GAMT: variants seen among roughly 807,000 people sequenced by gnomAD.
GAMT encodes guanidinoacetate N-methyltransferase, also known as epididymis secretory protein Li 20.
GAMT carries 26 observed loss-of-function variants against 26.9 expected under a neutral mutation model. The observed-to-expected ratio is 0.97, with a 90% CI of 0.71 to 1.34. The LOEUF (loss-of-function observed/expected upper bound fraction) is 1.34. Among genes scored for constraint, GAMT ranks in the 40% most tolerant of loss-of-function variants. The pLI is 0.00. For missense variants in GAMT, 412 were observed against 345.0 expected, an observed-to-expected ratio of 1.19 and a Z score of -1.54; for synonymous variants, 169 against 149.6, an observed-to-expected ratio of 1.13 and a Z score of -0.95.
intron 1 of GAMT, among the ~76,000 whole-genome samples, chr19:1,400,468 G>A (rs1200153781): frequency 1.3e-5 from 2 of 152,208 alleles, no homozygotes; most frequent in Non-Finnish European, 2.9e-5. Flanking sequence ...TGACCAGCCA[G>A]GGAGGCCGAA....
At chr19:1,398,333 A>G (rs1157374266) in intron 5 of GAMT, 1 of 198,680 alleles carries the variant, frequency 5.0e-6, no homozygotes, top group East Asian at 1.3e-4. Context: ...CCTGGGCTCA[A>G]GTGATCCACC....
Position 1,397,276 on chromosome 19 carries a change from G to C in GAMT, c.*83C>G. ...TTCTGGTGACACACAGCTGGGATCA[G>C]CCCAGGGCTGGTGCGACACCCTGGA... On this transcript the variant is annotated 3_prime_UTR_variant, in exon 6 of 6. Coordinates refer to ENST00000252288, the MANE Select transcript of GAMT (RefSeq NM_000156.6). The C allele has an allele frequency of 1.3e-6, 2 of 1,491,896 alleles. No homozygotes were observed. The highest frequency in any genetic ancestry group is 1.8e-6 in the Non-Finnish European group (2 of 1,104,360). The allele number at this position is 1,491,896 out of a possible 1,614,324, so 92.4% of individuals were successfully genotyped here.
rs2082604433 is a variant in GAMT at position 1,397,179 on chromosome 19, A to G, written c.*180T>C. ...CAGTGACCCTCACAGAGAAGCTGGG[A>G]AAGCTGCTGGTGACACACAGCTGGG... is the stretch of plus-strand genomic sequence containing the variant. On this transcript the variant is annotated 3_prime_UTR_variant, in exon 6 of 6. Coordinates refer to ENST00000252288, the MANE Select transcript of GAMT (RefSeq NM_000156.6). 1.4e-6 allele frequency: 1 copy of G among 715,684 alleles called. No individual in the cohort carries two copies. The allele number at this position is 715,684 out of a possible 1,614,324, so 44.3% of individuals were successfully genotyped here. A position where few individuals can be genotyped will look rare whatever the true frequency, so the allele number is the denominator to read the frequency against.
chr19:1,397,227 C>T lies in GAMT; in HGVS notation c.*132G>A. 1.8e-6 allele frequency: 2 copies of T among 1,102,034 alleles called. No homozygotes were observed. The highest frequency in any genetic ancestry group is 2.6e-6 in the Non-Finnish European group (2 of 768,814). The allele number at this position is 1,102,034 out of a possible 1,614,324, so 68.3% of individuals were successfully genotyped here. On this transcript the variant is annotated 3_prime_UTR_variant, in exon 6 of 6. Transcript: ENST00000252288. ...GGGATCAGCCCTGGGCTGGTGGGAC[C>T]CCTCACAGAGAAGCCGGGAAAGCTT...
rs1030954874 is a variant in GAMT at position 1,397,477 on chromosome 19, A to C, written c.593T>G (p.Leu198Arg). 1.1e-5 allele frequency: 17 copies of C among 1,606,630 alleles called. No homozygotes were observed. The highest frequency in any genetic ancestry group is 1.4e-5 in the Non-Finnish European group (17 of 1,179,866). Residue 198 changes from leucine (L) to arginine (R), a missense_variant, in exon 6 of 6, where the codon CTG becomes CGG. By Grantham distance (102) the Leu-to-Arg change is moderately radical (BLOSUM62 -2). Coordinates refer to ENST00000252288, the MANE Select transcript of GAMT (RefSeq NM_000156.6). ...GTTCTCCCTCCGGAAGCCGGCCTCC[A>C]GCAGCGCGGGCACCTGCGTCTCCTG... ...MFEETQVPAL[L>R]EAGFRRENIR...
rs942634281 is a variant in GAMT, at chr19:1,399,220, C to T, written c.392-25G>A. ...CCTGCACGGAGAACAGAAGCCCACG[C>T]GGTCAGGGCCGGGCTCAGCGCCTCA... On this transcript the variant is annotated intron_variant, in intron 3 of 5. Transcript: ENST00000252288. The surrounding 1 kb of genome is among the most constrained non-coding windows in gnomAD (Gnocchi z 6.2). 58 of 1,612,296 alleles carry T rather than the reference C, an allele frequency of 3.6e-5. No individual in the cohort carries two copies. The highest frequency in any genetic ancestry group is 4.4e-5 in the South Asian group (4 of 91,054).
At position 1,401,301 on chromosome 19, in the gene GAMT, G is replaced by A. The variant is rs770218797; in HGVS notation, c.176C>T (p.Ser59Phe). The A allele has an allele frequency of 2.0e-5, 30 of 1,508,678 alleles. No individual in the cohort carries two copies. Among genetic ancestry groups the A allele is most frequent in the Non-Finnish European group, 7.0e-6 (8 of 1,134,838 alleles). The allele number at this position is 1,508,678 out of a possible 1,614,324, so 93.5% of individuals were successfully genotyped here. Residue 59 changes from serine to phenylalanine, a missense_variant, in exon 1 of 6, where the codon TCC (serine) becomes TTC (phenylalanine). By Grantham distance (155) the Ser-to-Phe change is radical. Coordinates refer to ENST00000252288, the MANE Select transcript of GAMT (RefSeq NM_000156.6). ...GCAGGCCGGGCGGGGGCTACCTTTG[G>A]AGGAGGCGGCGGCGGCCAGCGCGTG... ...YMHALAAAAS[S>F]KGGRVLEVGF...
In GAMT at chr19:1,401,284, G is replaced by T; in HGVS notation, c.181+12C>A. 1 of 1,481,082 alleles carries T rather than the reference G, an allele frequency of 6.8e-7. No individual in the cohort carries two copies. The allele number at this position is 1,481,082 out of a possible 1,614,324, so 91.7% of individuals were successfully genotyped here. ...GCGCCCCCGGGGGCGGTGCAGGCCGGGCGGGGGCTACCTTTGGAGGAGGCG... is the reference window on the plus strand; with the variant it reads ...GCGCCCCCGGGGGCGGTGCAGGCCGTGCGGGGGCTACCTTTGGAGGAGGCG... On this transcript the variant is annotated intron_variant, in intron 1 of 5. Coordinates refer to ENST00000252288, the MANE Select transcript of GAMT (RefSeq NM_000156.6).
chr19:1,398,353 C>G, intron 5 of GAMT: 1 of 220,286 alleles, frequency 4.5e-6, no homozygotes. Flanking sequence ...CCGCCTTGGC[C>G]TTCCGAAGTG....
At chr19:1,397,920 CAGAT>C (rs1399095855) in intron 5 of GAMT, 3 of 1,087,296 alleles carry the variant, frequency 2.8e-6, no homozygotes, top group African/African-American at 1.6e-5. Flanking sequence ...GAGCCCTTCT[CAGAT>C]AGGCCGCCTC....
At chr19:1,397,787 G>T (rs1365426519) in intron 5 of GAMT, 1 of 1,328,506 alleles carries the variant, frequency 7.5e-7, no homozygotes, top group Non-Finnish European at 9.7e-7. Flanking sequence ...GTGGCGGGTG[G>T]AGCCAAAGAA....
intron 5 of GAMT, chr19:1,397,822 C>T: frequency 8.2e-7 from 1 of 1,222,460 alleles, no homozygotes; most frequent in South Asian, 1.9e-5. Context: ...GAACACAGGC[C>T]ACTAGTTCCC....
rs559754658 is a variant in GAMT at position 1,401,498 on chromosome 19, C to G, written c.-22G>C. ...TCATGCTGCAGGCTGGACGGCGACC[C>G]GACCTCGATCGCGCGCCGCCCGGGC... On this transcript the variant is annotated 5_prime_UTR_variant, in exon 1 of 6. Coordinates refer to ENST00000252288, the MANE Select transcript of GAMT (RefSeq NM_000156.6). The G allele has an allele frequency of 1.5e-5, 19 of 1,293,252 alleles. No homozygotes were observed. The highest frequency in any genetic ancestry group is 6.3e-5 in the East Asian group (2 of 31,610). 80.1% of individuals were successfully genotyped at this position (1,293,252 alleles called of 1,614,324 possible).
In GAMT at chr19:1,397,228, CCT is replaced by C; in HGVS notation, c.*129_*130del. ...GGATCAGCCCTGGGCTGGTGGGACC[CCT>C]CACAGAGAAGCCGGGAAAGCTTCTG... On this transcript the variant is annotated 3_prime_UTR_variant, in exon 6 of 6. Transcript: ENST00000252288. 1 of 1,115,366 alleles carries C rather than the reference CCT, an allele frequency of 9.0e-7. No homozygotes were observed. The allele number at this position is 1,115,366 out of a possible 1,614,324, so 69.1% of individuals were successfully genotyped here.
Position 1,397,266 on chromosome 19 carries a change from G to A in GAMT, c.*93C>T. ...CCGGGAAAGCTTCTGGTGACACACAGCTGGGATCAGCCCAGGGCTGGTGCG... is the reference window on the plus strand; with the variant it reads ...CCGGGAAAGCTTCTGGTGACACACAACTGGGATCAGCCCAGGGCTGGTGCG... On this transcript the variant is annotated 3_prime_UTR_variant, in exon 6 of 6. Transcript: ENST00000252288. 6.9e-7 allele frequency: 1 copy of A among 1,440,572 alleles called. No individual in the cohort carries two copies. Among genetic ancestry groups the A allele is most frequent in the South Asian group, 1.2e-5 (1 of 81,488 alleles). The allele number at this position is 1,440,572 out of a possible 1,614,324, so 89.2% of individuals were successfully genotyped here.
chr19:1,399,242 C>T lies in GAMT; in HGVS notation c.392-47G>A. The T allele has an allele frequency of 8.8e-6, 14 of 1,583,574 alleles. No homozygotes were observed. The highest frequency in any genetic ancestry group is 1.2e-5 in the Non-Finnish European group (14 of 1,153,336). Reference sequence around the variant, plus strand: ...ACGCGGTCAGGGCCGGGCTCAGCGCCTCACCCAGCCTCACCCGGCTCATCC... The same window carrying T: ...ACGCGGTCAGGGCCGGGCTCAGCGCTTCACCCAGCCTCACCCGGCTCATCC... On this transcript the variant is annotated intron_variant, in intron 3 of 5. Transcript: ENST00000252288. The surrounding 1 kb of genome is among the most constrained non-coding windows in gnomAD (Gnocchi z 6.2).
In GAMT at chr19:1,399,321, A is replaced by AT; in HGVS notation, c.392-127_392-126insA. ...GGCCGTGGGTAGAGGTGGGGCTCCC[A>AT]CACAGGCTTGAGAACCCCGAGATCG... On this transcript the variant is annotated intron_variant, in intron 3 of 5. Coordinates refer to ENST00000252288, the MANE Select transcript of GAMT (RefSeq NM_000156.6). This position sits in a 1 kb window ranked among gnomAD's most constrained non-coding sequence, Gnocchi z 6.2. The AT allele has an allele frequency of 8.4e-7, 1 of 1,186,920 alleles. No homozygotes were observed. Among genetic ancestry groups the AT allele is most frequent in the South Asian group, 1.2e-5 (1 of 80,174 alleles). 73.5% of individuals were successfully genotyped at this position (1,186,920 alleles called of 1,614,324 possible).
rs1421013354 is a variant in GAMT, at chr19:1,398,926, A to G, written c.560T>C (p.Ile187Thr). The G allele has an allele frequency of 5.6e-6, 9 of 1,613,344 alleles. No individual in the cohort carries two copies. The South Asian group carries it at 8.8e-5, about 16-fold the overall frequency. Residue 187 changes from isoleucine to threonine, a missense_variant, in exon 5 of 6, where the codon ATC (isoleucine) becomes ACC (threonine). Ile to Thr is a moderately conservative substitution (Grantham distance 89). Coordinates refer to ENST00000252288, the MANE Select transcript of GAMT (RefSeq NM_000156.6). Reference sequence around the variant, plus strand: ...TTCAGGTGGGCGCACCTCAAACATGATGGTGATGTCTGAGTACTTGGACTT... The same window carrying G: ...TTCAGGTGGGCGCACCTCAAACATGGTGGTGATGTCTGAGTACTTGGACTT... The part of the protein sequence containing the change: ...LMKSKYSDIT[I>T]MFEETQVPAL...
At chr19:1,398,264 A>C (rs1283867741) in intron 5 of GAMT, 2 of 185,866 alleles carry the variant, frequency 1.1e-5, no homozygotes, top group African/African-American at 5.1e-5. Context: ...CGCCTGGCTA[A>C]CTTTTGTATT....
Sources: allele counts gnomAD v4.1 joint callset (sites outside exome capture counted in the v4.1 genomes callset), GRCh38; gene constraint gnomAD v4.1.1; non-coding constraint Gnocchi (gnomAD v3.1); transcripts MANE v1.5; gene names NCBI Gene and HGNC (gene_info 2026-07-23, HGNC 2026-07-21).